STPG1: variants seen among roughly 807,000 people sequenced by gnomAD.
The protein encoded by STPG1 is sperm tail PG-rich repeat containing 1, also known as O(6)-methylguanine-induced apoptosis 2.
In STPG1, 33 loss-of-function variants were observed where a neutral mutation model predicts 40.1. The observed-to-expected ratio is 0.82, with a 90% CI of 0.62 to 1.10. The LOEUF (loss-of-function observed/expected upper bound fraction) is 1.10, where lower values mean the gene tolerates loss of function less well. Ranked by LOEUF, STPG1 falls within the 50% of genes least tolerant of loss-of-function variation. The pLI, the probability that STPG1 is intolerant of heterozygous loss-of-function variation, is 0.00. For missense variants in STPG1, 396 were observed against 415.1 expected (o/e 0.95, Z 0.40); for synonymous variants, 150 against 155.0 (o/e 0.97, Z 0.24).
At position 24,359,447 on chromosome 1, in the gene STPG1, C is replaced by G. The variant is rs1006740425; in HGVS notation, c.929-828G>C. ...CATGTTTGCAATGCTGAGTTCTCCT[C>G]GACTGACTAGATGAGCCCCAGATCA... is the stretch of plus-strand genomic sequence containing the variant. On this transcript the variant is annotated intron_variant, in intron 8 of 8. Coordinates refer to ENST00000337248, the MANE Select transcript of STPG1 (RefSeq NM_001199013.2). This position sits in a 1 kb window ranked among gnomAD's most constrained non-coding sequence, Gnocchi z 5.3. Among the ~76,000 whole-genome samples the G allele has an allele frequency of 6.6e-6, 1 of 152,208 alleles. No individual in the cohort carries two copies. Among genetic ancestry groups the G allele is most frequent in the African/African-American group, 2.4e-5 (1 of 41,432 alleles).
chr1:24,406,432 GA>G (rs1474040673), intron 1 of STPG1, among the ~76,000 whole-genome samples: 2 of 151,780 alleles, frequency 1.3e-5, no homozygotes, highest in African/African-American at 4.8e-5. Flanking sequence ...ATTAAAATAA[GA>G]AAAAAGTATT....
intron 4 of STPG1, among the ~76,000 whole-genome samples, chr1:24,380,415 C>A (rs1384946819): frequency 6.6e-6 from 1 of 152,158 alleles, no homozygotes; most frequent in Non-Finnish European, 1.5e-5. Flanking sequence ...AGTTAAAAAA[C>A]AAACAGAATC....
In STPG1 at chr1:24,369,333, T is replaced by C. The variant is rs1308576666; in HGVS notation, c.737+341A>G. On this transcript the variant is annotated intron_variant, in intron 7 of 8. Coordinates refer to ENST00000337248, the MANE Select transcript of STPG1 (RefSeq NM_001199013.2). Reference sequence around the variant, plus strand: ...GAGGAAAGACTTAGTCCTGAGCCAATTCCCTGTGGCTCCTCAAGTTGGCTG... The same window carrying C: ...GAGGAAAGACTTAGTCCTGAGCCAACTCCCTGTGGCTCCTCAAGTTGGCTG... 8.8e-5 allele frequency: 44 copies of C among 501,828 alleles called. No individual in the cohort carries two copies. The East Asian group carries it at 2.5e-3, about 29-fold the overall frequency. 31.1% of individuals were successfully genotyped at this position (501,828 alleles called of 1,614,324 possible). A position where few individuals can be genotyped will look rare whatever the true frequency, so the allele number is the denominator to read the frequency against.
chr1:24,376,816 G>A (rs1019127889), intron 5 of STPG1, among the ~76,000 whole-genome samples: 2 of 152,142 alleles, frequency 1.3e-5, no homozygotes, highest in African/African-American at 4.8e-5. Flanking sequence ...AAGGGGCAAT[G>A]GCTAAGCCCC....
At chr1:24,373,668 C>T (rs1641858139) in intron 6 of STPG1, 34 bp downstream of exon 6, 1 of 1,441,496 alleles carries the variant, frequency 6.9e-7, no homozygotes, top group Non-Finnish European at 9.8e-7. Flanking sequence ...ACACTTAACC[C>T]TTAGGTCAAG....
At chr1:24,403,928 C>T (rs535474394) in intron 1 of STPG1, among the ~76,000 whole-genome samples, 2 of 151,828 alleles carry the variant, frequency 1.3e-5, no homozygotes, top group Non-Finnish European at 2.9e-5. Flanking sequence ...AATTTGTATG[C>T]CTGTTATTTC....
At chr1:24,373,232 G>A (rs1232906859) in intron 6 of STPG1, among the ~76,000 whole-genome samples, 1 of 152,184 alleles carries the variant, frequency 6.6e-6, no homozygotes, top group South Asian at 2.1e-4. Context: ...TGGGTGCTCC[G>A]GAAACAGAGC....
chr1:24,387,423 G>C (rs1484952006), intron 3 of STPG1, among the ~76,000 whole-genome samples: 1 of 152,138 alleles, frequency 6.6e-6, no homozygotes, highest in South Asian at 2.1e-4. Context: ...CTAGGCAGGT[G>C]GTGGAGGTAA....
chr1:24,391,961 T>C (rs1034937024), intron 2 of STPG1: 14 of 1,112,996 alleles, frequency 1.3e-5, no homozygotes, highest in Non-Finnish European at 1.4e-5. Context: ...AAGGAGATGA[T>C]AGTAAAGACA....
rs72880627 is a variant in STPG1, at chr1:24,371,072, C to T, written c.572-1233G>A. Reference sequence around the variant, plus strand: ...AAGCTTTAAGGAAGAAGAGAATGACCAAAACTGGGGTGAAGAGGAAGCGAT... The same window carrying T: ...AAGCTTTAAGGAAGAAGAGAATGACTAAAACTGGGGTGAAGAGGAAGCGAT... On this transcript the variant is annotated intron_variant, in intron 6 of 8. Coordinates refer to ENST00000337248, the MANE Select transcript of STPG1 (RefSeq NM_001199013.2). 2.8e-3 allele frequency among the ~76,000 whole-genome samples: 427 copies of T among 152,124 alleles called. 1 individual carries two copies. Among genetic ancestry groups the T allele is most frequent in the African/African-American group, 9.8e-3 (405 of 41,472 alleles).
At chr1:24,391,492 A>G in intron 3 of STPG1, 69 bp downstream of exon 3, 1 of 989,052 alleles carries the variant, frequency 1.0e-6, no homozygotes, top group Non-Finnish European at 1.5e-6. Context: ...GCAGCCAGAC[A>G]GAACGTGCCT....
intron 3 of STPG1, among the ~76,000 whole-genome samples, chr1:24,385,872 G>A (rs571349034): frequency 2.0e-4 from 30 of 152,334 alleles, no homozygotes; most frequent in South Asian, 6.2e-4. Context: ...GGCCTTGGGT[G>A]CTTTTGAGCT....
intron 3 of STPG1, 59 bp downstream of exon 3, chr1:24,391,502 T>TGGAC (rs2148705360): frequency 9.1e-7 from 1 of 1,102,996 alleles, no homozygotes; most frequent in Non-Finnish European, 1.3e-6. Context: ...AGAACGTGCC[T>TGGAC]GTCCCGCAAG....
chr1:24,369,686 T>A lies in STPG1; in HGVS notation c.725A>T (p.Lys242Met), dbSNP rs759801269. 6 of 1,590,460 alleles carry A rather than the reference T, an allele frequency of 3.8e-6. No individual in the cohort carries two copies. In the Admixed American group the frequency reaches 8.8e-5, roughly 23 times the overall value. Residue 242 changes from lysine to methionine, a missense_variant, in exon 7 of 9, where the codon AAG becomes ATG. Transcript: ENST00000337248. ...NPSDCTKVPK[K>M]TLFPKNPILN... is the part of the protein sequence containing the mutation. Reference sequence around the variant, plus strand: ...GATTGGGACTCACGGGAAAAGAGTCTTTTTTGGAACTTTTGTGCAATCACT... The same window carrying A: ...GATTGGGACTCACGGGAAAAGAGTCATTTTTGGAACTTTTGTGCAATCACT...
At chr1:24,395,227 G>A (rs1642944634) in intron 2 of STPG1, among the ~76,000 whole-genome samples, 1 of 151,212 alleles carries the variant, frequency 6.6e-6, no homozygotes, top group Non-Finnish European at 1.5e-5. Context: ...AAAAGCAAAA[G>A]CAGAATAAAA....
chr1:24,397,737 C>G (rs1318630825), intron 2 of STPG1, among the ~76,000 whole-genome samples: 1 of 151,612 alleles, frequency 6.6e-6, no homozygotes, highest in Non-Finnish European at 1.5e-5. Flanking sequence ...TTCTTTCACT[C>G]AGCATAATTA....
At position 24,403,667 on chromosome 1, in the gene STPG1, T is replaced by C. The variant is rs190229608; in HGVS notation, c.-68-2211A>G. Among the ~76,000 whole-genome samples, 368 of 152,278 alleles carry C rather than the reference T, an allele frequency of 2.4e-3. 3 individuals are homozygous for C. Among genetic ancestry groups the C allele is most frequent in the African/African-American group, 6.4e-3 (265 of 41,584 alleles). ...TTTACAGTTATCAGTGTACAAATAT[T>C]GCATATATTTTCTTAAACTGATTCC... On this transcript the variant is annotated intron_variant, in intron 1 of 8. Coordinates refer to ENST00000337248, the MANE Select transcript of STPG1 (RefSeq NM_001199013.2).
chr1:24,404,769 T>C (rs1301684480), intron 1 of STPG1, among the ~76,000 whole-genome samples: 1 of 152,230 alleles, frequency 6.6e-6, no homozygotes, highest in Admixed American at 6.5e-5. Flanking sequence ...TTCCTGATAT[T>C]GGTAATTTGT....
intron 7 of STPG1, among the ~76,000 whole-genome samples, chr1:24,366,479 A>C (rs1039928627): frequency 6.6e-6 from 1 of 151,962 alleles, no homozygotes; most frequent in Non-Finnish European, 1.5e-5. Flanking sequence ...TCATTACATC[A>C]TTTTCTTCAT....
Sources: gnomAD v4.1 joint callset for allele counts (sites outside exome capture counted in the v4.1 genomes callset) on GRCh38, gnomAD v4.1.1 for gene constraint, Gnocchi (gnomAD v3.1) non-coding constraint, MANE v1.5 for transcripts, NCBI Gene and HGNC (gene_info 2026-07-23, HGNC 2026-07-21) for gene names.